Variants in DGKH observed in about 807,000 individuals in gnomAD.
The protein encoded by DGKH is DAG kinase eta.
DGKH carries 90 observed loss-of-function variants against 159.3 expected under a neutral mutation model. That is an observed-to-expected ratio of 0.57 (90% confidence interval 0.48 to 0.67). The LOEUF is 0.67. Among genes scored for constraint, DGKH ranks in the 30% least tolerant of loss-of-function variants. The pLI, the probability that DGKH is intolerant of heterozygous loss-of-function variation, is 0.00. For missense variants in DGKH, 1,181 were observed against 1,506.1 expected (o/e 0.78, Z 3.57); for synonymous variants, 536 against 553.8 (o/e 0.97, Z 0.45).
chr13:42,077,882 A>T (rs1275814686), intron 1 of DGKH, among the ~76,000 whole-genome samples: 1 of 152,194 alleles, frequency 6.6e-6, no homozygotes, highest in African/African-American at 2.4e-5. Context: ...GATTTTTCTG[A>T]TTCCAGCCCT....
At chr13:42,150,622 A>G (rs1955855444) in intron 3 of DGKH, among the ~76,000 whole-genome samples, 1 of 152,194 alleles carries the variant, frequency 6.6e-6, no homozygotes, top group Non-Finnish European at 1.5e-5. Context: ...GTGTTTAATG[A>G]GCTTAATTAT....
chr13:42,162,327 A>G (rs563624571), intron 7 of DGKH, among the ~76,000 whole-genome samples: 35 of 152,322 alleles, frequency 2.3e-4, no homozygotes, highest in African/African-American at 8.2e-4. Context: ...CTTGACCAAC[A>G]TGGTGGAACC....
chr13:42,132,158 C>T (rs1594069158), intron 3 of DGKH, among the ~76,000 whole-genome samples: 1 of 152,056 alleles, frequency 6.6e-6, no homozygotes, highest in African/African-American at 2.4e-5. Context: ...TAATGACACA[C>T]AATGATTGTA....
chr13:42,044,307 T>A (rs1439002914), upstream of DGKH: 1 of 151,100 alleles, frequency 6.6e-6, no homozygotes, highest in African/African-American at 2.4e-5. Flanking sequence ...TTTTTCTTCT[T>A]CTTTTTTTTT....
exon 31 of DGKH, chr13:42,256,498 A>G: frequency 1.0e-6 from 1 of 1,000,452 alleles, no homozygotes; most frequent in Admixed American, 1.7e-5. Flanking sequence ...AGTTTGATGA[A>G]CAGGTAAAAA....
chr13:42,226,734 G>A (rs1430693141), intron 29 of DGKH, among the ~76,000 whole-genome samples: 1 of 151,928 alleles, frequency 6.6e-6, no homozygotes, highest in African/African-American at 2.4e-5. Flanking sequence ...GCAGGTGCCT[G>A]TAATCCCAGC....
At chr13:42,154,336 C>T (rs1955987615) in intron 3 of DGKH, among the ~76,000 whole-genome samples, 1 of 152,168 alleles carries the variant, frequency 6.6e-6, no homozygotes, top group South Asian at 2.1e-4. Context: ...AATAAATGAT[C>T]TCTTCTTGAC....
chr13:42,250,894 C>G (rs772432131), intron 29 of DGKH, among the ~76,000 whole-genome samples: 2 of 151,922 alleles, frequency 1.3e-5, no homozygotes, highest in Non-Finnish European at 2.9e-5. Flanking sequence ...ATTTCATGAG[C>G]TATGCAATTT....
intron 3 of DGKH, 103 bp from the exon 4 acceptor site, chr13:42,155,187 TA>T: frequency 1.1e-6 from 1 of 878,104 alleles, no homozygotes; most frequent in Non-Finnish European, 1.7e-6. Flanking sequence ...ACGTAAGAAA[TA>T]AAGACTCAAG....
chr13:42,165,019 T>C (rs557463972), intron 7 of DGKH, among the ~76,000 whole-genome samples: 57 of 152,238 alleles, frequency 3.7e-4, no homozygotes, highest in Non-Finnish European at 4.4e-4. Flanking sequence ...CTTCTTTTTC[T>C]CTTCTCTGCC....
At chr13:42,198,818 C>G (rs893574965) in intron 18 of DGKH, among the ~76,000 whole-genome samples, 1 of 152,100 alleles carries the variant, frequency 6.6e-6, no homozygotes, top group Admixed American at 6.6e-5. Flanking sequence ...CCAGCCCGTT[C>G]TCTCTGAGAG....
In DGKH at chr13:42,155,653, C is replaced by T. The variant is rs748030391; in HGVS notation, c.490-14C>T. On this transcript the variant is annotated splice_polypyrimidine_tract_variant and intron_variant, in intron 4 of 29. Transcript: ENST00000337343. The stretch of plus-strand genomic sequence containing the variant: ...CACTGGCTTGGCAAATCTGTCCTCA[C>T]ATCTCATTTCTAGGTGGCCCAGTTT... 1 of 1,614,160 alleles carries T rather than the reference C, an allele frequency of 6.2e-7. No homozygotes were observed. The highest frequency in any genetic ancestry group is 1.1e-5 in the South Asian group (1 of 91,064).
chr13:42,104,776 C>T (rs1451282922), intron 1 of DGKH, among the ~76,000 whole-genome samples: 2 of 152,128 alleles, frequency 1.3e-5, no homozygotes, highest in Non-Finnish European at 2.9e-5. Flanking sequence ...GGAGACCTGA[C>T]TTATTAAATG....
chr13:42,249,354 T>A (rs1447798409), intron 29 of DGKH, among the ~76,000 whole-genome samples: 1 of 152,224 alleles, frequency 6.6e-6, no homozygotes, highest in African/African-American at 2.4e-5. Context: ...TTGGTTGCAG[T>A]GAGCCAAGAT....
At chr13:42,251,102 G>T (rs1253197174) in intron 29 of DGKH, among the ~76,000 whole-genome samples, 1 of 151,950 alleles carries the variant, frequency 6.6e-6, no homozygotes, top group Non-Finnish European at 1.5e-5. Flanking sequence ...GAATAAAATG[G>T]GTAAAAATAG....
At chr13:42,061,226 T>G (rs180826892) in intron 1 of DGKH, among the ~76,000 whole-genome samples, 100 of 152,298 alleles carry the variant, frequency 6.6e-4, no homozygotes, top group African/African-American at 2.4e-3. Context: ...CCTAATCTTC[T>G]TATGCAACTG....
At chr13:42,222,328 G>T (rs1040272102) in intron 29 of DGKH, among the ~76,000 whole-genome samples, 1 of 152,086 alleles carries the variant, frequency 6.6e-6, no homozygotes, top group African/African-American at 2.4e-5. Context: ...ATGAACTGTT[G>T]TTGCACCTTT....
downstream of DGKH, among the ~76,000 whole-genome samples, chr13:42,243,495 A>G (rs950209180): frequency 3.3e-5 from 5 of 152,196 alleles, no homozygotes; most frequent in Non-Finnish European, 7.3e-5. Flanking sequence ...CTCTAGTGGT[A>G]ATGATCTGTG....
intron 1 of DGKH, among the ~76,000 whole-genome samples, chr13:42,111,935 G>A (rs186794569): frequency 9.1e-4 from 139 of 152,258 alleles, no homozygotes; most frequent in African/African-American, 3.0e-3. Flanking sequence ...GGTTGAGCAT[G>A]GCAGGATGGA....
Sources: gnomAD v4.1 joint callset for allele counts (sites outside exome capture counted in the v4.1 genomes callset) on GRCh38, gnomAD v4.1.1 for gene constraint, MANE v1.5 for transcripts, NCBI Gene and HGNC (gene_info 2026-07-23, HGNC 2026-07-21) for gene names.